CREB5: variants seen among roughly 807,000 people sequenced by gnomAD.
The protein encoded by CREB5 is cyclic AMP-responsive element-binding protein 5.
In CREB5, 19 loss-of-function variants were observed where a neutral mutation model predicts 57.1. The ratio of observed to expected loss-of-function variants is 0.33; its 90% CI spans 0.23 to 0.49. The LOEUF (loss-of-function observed/expected upper bound fraction) is 0.49, where lower values mean the gene tolerates loss of function less well. Among genes scored for constraint, CREB5 ranks in the 20% least tolerant of loss-of-function variants. The pLI, the probability that CREB5 is intolerant of heterozygous loss-of-function variation, is 0.99. For missense variants in CREB5, 579 were observed against 671.6 expected, an observed-to-expected ratio of 0.86 and a Z score of 1.52; for synonymous variants, 238 against 238.3, an observed-to-expected ratio of 1.00 and a Z score of 0.01.
intron 1 of CREB5, among the ~76,000 whole-genome samples, chr7:28,323,986 A>G (rs1035201386): frequency 5.9e-5 from 9 of 152,130 alleles, no homozygotes; most frequent in Non-Finnish European, 1.2e-4. Flanking sequence ...TGCTCCTATG[A>G]GAATCCAATG....
At chr7:28,350,183 C>T (rs1171666324) in intron 1 of CREB5, among the ~76,000 whole-genome samples, 1 of 152,136 alleles carries the variant, frequency 6.6e-6, no homozygotes, top group Non-Finnish European at 1.5e-5. Flanking sequence ...ATATCCATAT[C>T]CATATTCATA....
intron 5 of CREB5, among the ~76,000 whole-genome samples, chr7:28,587,781 G>T (rs1796355627): frequency 6.6e-6 from 1 of 152,152 alleles, no homozygotes; most frequent in Non-Finnish European, 1.5e-5. Flanking sequence ...TGTGTTGAGA[G>T]GTTATAAAAC....
chr7:28,576,500 C>T (rs752627376), intron 5 of CREB5, among the ~76,000 whole-genome samples: 5 of 152,172 alleles, frequency 3.3e-5, no homozygotes, highest in South Asian at 2.1e-4. Context: ...ATACCAGTGC[C>T]GTGGAAGACC....
intron 5 of CREB5, among the ~76,000 whole-genome samples, chr7:28,698,097 C>A (rs1352545453): frequency 6.6e-6 from 1 of 152,076 alleles, no homozygotes; most frequent in Non-Finnish European, 1.5e-5. Flanking sequence ...TTGAAAGACA[C>A]ATGGGTTTAA....
In CREB5 at chr7:28,716,508, G is replaced by A. The variant is rs116312567; in HGVS notation, c.465-2245G>A. 8.6e-3 allele frequency among the ~76,000 whole-genome samples: 1,314 copies of A among 152,248 alleles called. 17 individuals are homozygous for A. The highest frequency in any genetic ancestry group is 0.026 in the African/African-American group (1,073 of 41,536). ...CATCTATTGAGATGGATATATAGAC[G>A]GATGGATAGATGGATGATTAGCTAT... On this transcript the variant is annotated intron_variant, in intron 5 of 10. Coordinates refer to ENST00000357727, the MANE Select transcript of CREB5 (RefSeq NM_182898.4).
intron 1 of CREB5, among the ~76,000 whole-genome samples, chr7:28,358,616 A>G (rs1055329474): frequency 1.3e-5 from 2 of 152,198 alleles, no homozygotes; most frequent in African/African-American, 4.8e-5. Flanking sequence ...CAGCTGTCGA[A>G]GTCTTTCTTT....
chr7:28,635,168 A>G (rs1042851501), intron 5 of CREB5, among the ~76,000 whole-genome samples: 3 of 152,228 alleles, frequency 2.0e-5, no homozygotes, highest in African/African-American at 7.2e-5. Context: ...ACTATAGTAC[A>G]TGAAGGCAAG....
intron 1 of CREB5, among the ~76,000 whole-genome samples, chr7:28,375,115 A>G (rs978879454): frequency 6.6e-6 from 1 of 152,232 alleles, no homozygotes; most frequent in Non-Finnish European, 1.5e-5. Context: ...TGGTATGTAA[A>G]GCATACCTCC....
intron 4 of CREB5, among the ~76,000 whole-genome samples, chr7:28,525,365 T>C (rs117602779): frequency 0.014 from 2,057 of 152,284 alleles, 31 homozygotes; most frequent in Middle Eastern, 0.048. Flanking sequence ...CTGGATCCTA[T>C]GGTAATTATA....
rs72106956 is a variant in CREB5, at chr7:28,658,953, G to GTATATATATATATATA, written c.465-59788_465-59773dup. On this transcript the variant is annotated intron_variant, in intron 5 of 10. Transcript: ENST00000357727. ...CACTAAATATTATATGTGTGTGTGT[G>GTATATATATATATATA]TATATATATATATATATATATATAT... Among the ~76,000 whole-genome samples, 158 of 99,528 alleles carry GTATATATATATATATA rather than the reference G, an allele frequency of 1.6e-3. 2 individuals are homozygous for GTATATATATATATATA. Among genetic ancestry groups the GTATATATATATATATA allele is most frequent in the African/African-American group, 4.7e-3 (142 of 30,458 alleles). 65.3% of individuals were successfully genotyped at this position (99,528 alleles called of 152,430 possible).
chr7:28,611,671 CCTAA>C (rs948822573), intron 5 of CREB5, among the ~76,000 whole-genome samples: 2 of 112,998 alleles, frequency 1.8e-5, no homozygotes, highest in African/African-American at 7.4e-5. Flanking sequence ...GACTCTGTCT[CCTAA>C]ATAAATAAAT....
intron 5 of CREB5, among the ~76,000 whole-genome samples, chr7:28,572,643 G>A (rs1795748316): frequency 6.6e-6 from 1 of 152,034 alleles, no homozygotes; most frequent in Non-Finnish European, 1.5e-5. Context: ...CCTTTTGGAG[G>A]CCCTTAGTAT....
chr7:28,401,202 A>T (rs1787454972), intron 1 of CREB5, among the ~76,000 whole-genome samples: 1 of 152,192 alleles, frequency 6.6e-6, no homozygotes, highest in Non-Finnish European at 1.5e-5. Context: ...GGATGTTAAC[A>T]TGCTAATACT....
chr7:28,563,409 G>C (rs1338184699), intron 4 of CREB5, among the ~76,000 whole-genome samples: 1 of 152,206 alleles, frequency 6.6e-6, no homozygotes, highest in Non-Finnish European at 1.5e-5. Context: ...AGACATGATG[G>C]AGCTGATGCA....
chr7:28,694,695 C>T (rs958124301), intron 5 of CREB5, among the ~76,000 whole-genome samples: 13 of 152,144 alleles, frequency 8.5e-5, no homozygotes, highest in Admixed American at 8.5e-4. Context: ...CAGGTGCACA[C>T]CACTACACAT....
chr7:28,454,855 G>A (rs929699637), intron 1 of CREB5, among the ~76,000 whole-genome samples: 2 of 152,144 alleles, frequency 1.3e-5, no homozygotes, highest in Non-Finnish European at 2.9e-5. Flanking sequence ...GTGACCCAGG[G>A]CTGGTGGGCA....
chr7:28,316,473 CAAAT>C (rs1368180375), intron 1 of CREB5, among the ~76,000 whole-genome samples: 2 of 152,060 alleles, frequency 1.3e-5, no homozygotes, highest in African/African-American at 4.8e-5. Context: ...AAGAAAGAGA[CAAAT>C]CAATCAGGAT....
intron 1 of CREB5, among the ~76,000 whole-genome samples, chr7:28,324,457 A>C (rs1225459023): frequency 6.6e-6 from 1 of 151,882 alleles, no homozygotes; most frequent in Non-Finnish European, 1.5e-5. Flanking sequence ...CTCATTTTTG[A>C]TATGCCTTTA....
At chr7:28,746,256 G>T (rs1804674993) in intron 7 of CREB5, among the ~76,000 whole-genome samples, 1 of 152,184 alleles carries the variant, frequency 6.6e-6, no homozygotes, top group African/African-American at 2.4e-5. Context: ...TTGGTTATAA[G>T]GTCAGTCTGC....
Sources: allele counts gnomAD v4.1 joint callset (sites outside exome capture counted in the v4.1 genomes callset), GRCh38; gene constraint gnomAD v4.1.1; transcripts MANE v1.5; gene names NCBI Gene and HGNC (gene_info 2026-07-23, HGNC 2026-07-21).